Variants in NLGN4X observed in about 807,000 individuals in gnomAD.
The protein encoded by NLGN4X is neuroligin 4 X-linked.
A neutral mutation model predicts 40.3 loss-of-function variants in NLGN4X; 3 were observed. The observed-to-expected ratio is 0.07, with a 90% confidence interval of 0.03 to 0.19. NLGN4X has a LOEUF of 0.19. NLGN4X is among the 10% of genes least tolerant of loss of function. NLGN4X has a pLI of 1.00. For synonymous variants in NLGN4X, 270 were observed against 306.8 expected (o/e 0.88, Z 1.25); for missense variants, 382 against 708.3 (o/e 0.54, Z 5.23).
chrX:6,177,651 A>G (rs1265186087), intron 1 of NLGN4X, among the ~76,000 whole-genome samples: 2 of 112,021 alleles, frequency 1.8e-5, no homozygotes. Context: ...AGCTCTACAA[A>G]GTTTTGAAAA....
At chrX:5,972,102 G>A (rs1017741223) in intron 3 of NLGN4X, among the ~76,000 whole-genome samples, 22 of 109,121 alleles carry the variant, frequency 2.0e-4, no homozygotes, top group Admixed American at 1.7e-3. Context: ...TAATGTAAAC[G>A]TAACATACAT....
At chrX:6,134,769 A>G (rs1293728181) in intron 2 of NLGN4X, among the ~76,000 whole-genome samples, 1 of 112,347 alleles carries the variant, frequency 8.9e-6, no homozygotes, top group Non-Finnish European at 1.9e-5. Flanking sequence ...AGACCAGGTT[A>G]TATCACCAGC....
At chrX:6,224,977 CAT>C (rs34139921) in intron 1 of NLGN4X, among the ~76,000 whole-genome samples, 4,780 of 52,072 alleles carry the variant, frequency 0.092, 170 homozygotes, top group Non-Finnish European at 0.11. Context: ...TTAAAATGGC[CAT>C]ATATATATAT....
chrX:6,093,213 C>T (rs949002643), intron 2 of NLGN4X, among the ~76,000 whole-genome samples: 2 of 111,763 alleles, frequency 1.8e-5, no homozygotes, highest in African/African-American at 6.5e-5. Context: ...AAATAATGGT[C>T]CACCTGGATT....
intron 2 of NLGN4X, among the ~76,000 whole-genome samples, chrX:6,140,912 A>G (rs1030055583): frequency 9.0e-6 from 1 of 111,019 alleles, no homozygotes; most frequent in African/African-American, 3.3e-5. Context: ...CTGAACCTCA[A>G]TATAGAATAT....
chrX:6,037,953 A>G (rs752528311), intron 2 of NLGN4X, among the ~76,000 whole-genome samples: 2 of 111,910 alleles, frequency 1.8e-5, no homozygotes, highest in African/African-American at 6.5e-5. Context: ...TTCACTCAGA[A>G]GCCAATTCCT....
chrX:6,175,653 C>CATAAAA (rs1182298897), intron 1 of NLGN4X, among the ~76,000 whole-genome samples: 1 of 14,256 alleles, frequency 7.0e-5, no homozygotes, highest in Non-Finnish European at 1.2e-4. Context: ...TTATCTATTA[C>CATAAAA]AGAAAAAAAA....
In NLGN4X at chrX:5,890,972, G is replaced by A. The variant is rs1391401969; in HGVS notation, c.*1845C>T. Reference sequence around the variant, plus strand: ...TTTTATGGGGAATGTCCACTTTAGCGGAGAGATTTAAGACTGGATTTCTAG... The same window carrying A: ...TTTTATGGGGAATGTCCACTTTAGCAGAGAGATTTAAGACTGGATTTCTAG... On this transcript the variant is annotated 3_prime_UTR_variant, in exon 6 of 6. Coordinates refer to ENST00000381095, the MANE Select transcript of NLGN4X (RefSeq NM_181332.3). 2.9e-5 allele frequency: 9 copies of A among 308,214 alleles called. No individual in the cohort carries two copies. Among genetic ancestry groups the A allele is most frequent in the Middle Eastern group, 1.1e-3 (1 of 926 alleles). The allele number at this position is 308,214 out of a possible 1,213,427, so 25.4% of individuals were successfully genotyped here. A position where few individuals can be genotyped will look rare whatever the true frequency, so the allele number is the denominator to read the frequency against.
At chrX:5,909,383 G>C in intron 3 of NLGN4X, 144 bp from the exon 4 acceptor site, 2 of 668,664 alleles carry the variant, frequency 3.0e-6, no homozygotes, top group Non-Finnish European at 4.5e-6. Context: ...GGAAGAACAG[G>C]AGAAAAAATT....
chrX:6,140,388 A>T (rs762204173), intron 2 of NLGN4X, among the ~76,000 whole-genome samples: 1 of 109,045 alleles, frequency 9.2e-6, no homozygotes, highest in Non-Finnish European at 1.9e-5. Context: ...GAAAATTGTA[A>T]CATGTTTGAT....
chrX:6,085,276 A>G (rs1799485639), intron 2 of NLGN4X, among the ~76,000 whole-genome samples: 1 of 111,362 alleles, frequency 9.0e-6, no homozygotes, highest in South Asian at 3.8e-4. Flanking sequence ...GAGGAGGTTT[A>G]GGTTAGGGTC....
chrX:6,214,869 T>C (rs190385971), intron 1 of NLGN4X, among the ~76,000 whole-genome samples: 1,146 of 112,169 alleles, frequency 0.01, 5 homozygotes, highest in Non-Finnish European at 0.016. Context: ...CAAAGGCAAT[T>C]AATTAACACT....
At chrX:6,218,155 A>G (rs1007955671) in intron 1 of NLGN4X, among the ~76,000 whole-genome samples, 7 of 111,006 alleles carry the variant, frequency 6.3e-5, no homozygotes, top group Non-Finnish European at 1.3e-4. Flanking sequence ...CTGCTACCTC[A>G]AGGCTAGGAC....
intron 2 of NLGN4X, among the ~76,000 whole-genome samples, chrX:6,077,540 C>G (rs765763590): frequency 9.0e-6 from 1 of 110,903 alleles, no homozygotes; most frequent in African/African-American, 3.3e-5. Flanking sequence ...CCTCCTGCCT[C>G]AGCTTCCCAA....
At chrX:6,092,923 T>A (rs12012381) in intron 2 of NLGN4X, among the ~76,000 whole-genome samples, 7,762 of 110,950 alleles carry the variant, frequency 0.07, 692 homozygotes, top group African/African-American at 0.24. Flanking sequence ...ATCTCATATA[T>A]CAAATCAAAA....
At chrX:6,100,680 C>G (rs1158824726) in intron 2 of NLGN4X, among the ~76,000 whole-genome samples, 1 of 111,566 alleles carries the variant, frequency 9.0e-6, no homozygotes, top group Non-Finnish European at 1.9e-5. Flanking sequence ...GATAGAGAAA[C>G]AGATACCATA....
At chrX:6,096,411 A>C (rs2038778329) in intron 2 of NLGN4X, among the ~76,000 whole-genome samples, 1 of 111,644 alleles carries the variant, frequency 9.0e-6, no homozygotes, top group African/African-American at 3.3e-5. Flanking sequence ...GCACTCTATA[A>C]TGCCCCCGAT....
At chrX:6,160,280 T>G (rs1308185353) in intron 1 of NLGN4X, among the ~76,000 whole-genome samples, 1 of 111,727 alleles carries the variant, frequency 9.0e-6, no homozygotes, top group Admixed American at 9.6e-5. Flanking sequence ...ACACCTACTA[T>G]GTACATGTAA....
At chrX:6,150,794 A>G (rs2040147143) in intron 2 of NLGN4X, among the ~76,000 whole-genome samples, 1 of 112,511 alleles carries the variant, frequency 8.9e-6, no homozygotes, top group Non-Finnish European at 1.9e-5. Flanking sequence ...AGTTTTGTCC[A>G]GTCAGTAGAT....
Sources: allele counts gnomAD v4.1 joint callset (sites outside exome capture counted in the v4.1 genomes callset), GRCh38; gene constraint gnomAD v4.1.1; transcripts MANE v1.5; gene names NCBI Gene and HGNC (gene_info 2026-07-23, HGNC 2026-07-21).